The following JAKMIP2 variants were observed in gnomAD, a reference collection of about 807,000 sequenced individuals.
JAKMIP2 encodes the protein janus kinase and microtubule-interacting protein 2.
Under a neutral mutation model 115.0 loss-of-function variants are expected in JAKMIP2, and 25 were observed. The observed-to-expected ratio is 0.22, with a 90% CI of 0.16 to 0.30. JAKMIP2 has a LOEUF of 0.30. Ranked by LOEUF, JAKMIP2 falls within the 10% of genes least tolerant of loss-of-function variation. The pLI, the probability that JAKMIP2 is intolerant of heterozygous loss-of-function variation, is 1.00. For missense variants in JAKMIP2, 642 were observed against 957.6 expected, an observed-to-expected ratio of 0.67 and a Z score of 4.35; for synonymous variants, 334 against 343.6, an observed-to-expected ratio of 0.97 and a Z score of 0.31.
At chr5:147,671,620 C>G (rs995329347) in intron 2 of JAKMIP2, 58 bp downstream of exon 2, 22 of 1,314,794 alleles carry the variant, frequency 1.7e-5, no homozygotes, top group Middle Eastern at 5.7e-4. Context: ...GTGCTCGCTG[C>G]ATGTGGACAC....
chr5:147,710,287 C>T (rs906395752), intron 1 of JAKMIP2, among the ~76,000 whole-genome samples: 13 of 152,088 alleles, frequency 8.5e-5, no homozygotes, highest in South Asian at 2.1e-4. Context: ...ATTATAAATG[C>T]TTTATAACAT....
In JAKMIP2 at chr5:147,711,919, C is replaced by T. The variant is rs374083254; in HGVS notation, c.-148-39965G>A. On this transcript the variant is annotated intron_variant, in intron 1 of 21. Transcript: ENST00000616793. ...CTGACCTCAGGTGATCCACCCGCCT[C>T]GGACACCGCGCCCAGCCCATAGTAA... 3.0e-4 allele frequency among the ~76,000 whole-genome samples: 46 copies of T among 152,296 alleles called. No homozygotes were observed. The Middle Eastern group carries it at 0.01, about 34-fold the overall frequency.
At chr5:147,690,148 G>C (rs928772674) in intron 1 of JAKMIP2, among the ~76,000 whole-genome samples, 2 of 152,064 alleles carry the variant, frequency 1.3e-5, no homozygotes, top group African/African-American at 4.8e-5. Flanking sequence ...CCACAGGTTT[G>C]AGACCAGCCT....
At chr5:147,608,140 A>AT (rs1455105964) in intron 20 of JAKMIP2, among the ~76,000 whole-genome samples, 1 of 151,912 alleles carries the variant, frequency 6.6e-6, no homozygotes, top group Non-Finnish European at 1.5e-5. Context: ...GGATTCATTG[A>AT]TTTTTTGAAG....
chr5:147,655,570 G>T (rs376026427), intron 3 of JAKMIP2, among the ~76,000 whole-genome samples: 2 of 151,972 alleles, frequency 1.3e-5, no homozygotes, highest in Middle Eastern at 3.2e-3. Flanking sequence ...TTTTTATTGT[G>T]TCTATTTGGT....
intron 1 of JAKMIP2, among the ~76,000 whole-genome samples, chr5:147,676,054 C>T (rs930052095): frequency 6.6e-6 from 1 of 152,170 alleles, no homozygotes; most frequent in African/African-American, 2.4e-5. Flanking sequence ...AGTGCCTGGA[C>T]CGGGTGCGGT....
At chr5:147,650,235 T>C (rs1007454366) in intron 4 of JAKMIP2, 103 bp downstream of exon 4, 8 of 748,842 alleles carry the variant, frequency 1.1e-5, no homozygotes, top group Non-Finnish European at 1.6e-5. Context: ...GGTAGATTGA[T>C]TTCTTTGTAG....
chr5:147,686,017 A>C (rs1264225534), intron 1 of JAKMIP2, among the ~76,000 whole-genome samples: 1 of 152,230 alleles, frequency 6.6e-6, no homozygotes, highest in Non-Finnish European at 1.5e-5. Context: ...AGCTGAAGCT[A>C]GGAGTGAGGC....
chr5:147,651,378 C>A (rs1012750785), intron 3 of JAKMIP2, among the ~76,000 whole-genome samples: 1 of 152,106 alleles, frequency 6.6e-6, no homozygotes, highest in Non-Finnish European at 1.5e-5. Context: ...TGGAATGAAA[C>A]CTTTTTGCCA....
chr5:147,685,049 A>G (rs1760503354), intron 1 of JAKMIP2, among the ~76,000 whole-genome samples: 1 of 152,192 alleles, frequency 6.6e-6, no homozygotes, highest in African/African-American at 2.4e-5. Flanking sequence ...ACTTAAAACA[A>G]GATTATGAGA....
At position 147,623,790 on chromosome 5, in the gene JAKMIP2, G is replaced by A. The variant is rs1756965809; in HGVS notation, c.1996-101C>T. The A allele has an allele frequency of 1.2e-5, 8 of 675,536 alleles. No homozygotes were observed. The South Asian group carries it at 1.4e-4, about 12-fold the overall frequency. 41.8% of individuals were successfully genotyped at this position (675,536 alleles called of 1,614,324 possible). A position where few individuals can be genotyped will look rare whatever the true frequency, so the allele number is the denominator to read the frequency against. ...CTCCGTCTCCTCCCCTTATATCTCA[G>A]GAAGAAGACTGAGAACTGAAGCAAA... On this transcript the variant is annotated intron_variant, in intron 16 of 21. Transcript: ENST00000616793.
intron 17 of JAKMIP2, 33 bp from the exon 18 acceptor site, chr5:147,620,776 T>C: frequency 6.7e-7 from 1 of 1,489,584 alleles, no homozygotes; most frequent in Non-Finnish European, 9.4e-7. Context: ...TAGAGTCAGC[T>C]TAGTTAACTA....
Position 147,660,975 on chromosome 5 carries a change from C to T in JAKMIP2, c.600G>A (p.Trp200Ter). The change falls in exon 3 of 22, where the codon TGG becomes TGA. Residue 200 changes from tryptophan to a stop codon, truncating the protein, a stop_gained. Coordinates refer to ENST00000616793, the MANE Select transcript of JAKMIP2 (RefSeq NM_001270941.2). LOFTEE classifies it high-confidence loss of function. ...GCCTCCGAATATCCCGCTCCGACTCCCACTTGATCTTCGAGATGGCTTCTT... is the reference window on the plus strand; with the variant it reads ...GCCTCCGAATATCCCGCTCCGACTCTCACTTGATCTTCGAGATGGCTTCTT... ...SHQEAISKIK[W>*]ESERDIRRLM... 6.2e-7 allele frequency: 1 copy of T among 1,613,952 alleles called. No homozygotes were observed. Among genetic ancestry groups the T allele is most frequent in the Non-Finnish European group, 8.5e-7 (1 of 1,180,012 alleles).
chr5:147,685,475 A>G (rs185996456), intron 1 of JAKMIP2, among the ~76,000 whole-genome samples: 5 of 152,338 alleles, frequency 3.3e-5, no homozygotes, highest in Admixed American at 3.3e-4. Context: ...TAGATTGTGC[A>G]AAATTGTAGG....
chr5:147,667,292 C>A (rs555110898), intron 2 of JAKMIP2, among the ~76,000 whole-genome samples: 13 of 152,166 alleles, frequency 8.5e-5, no homozygotes, highest in Admixed American at 3.9e-4. Flanking sequence ...TTAATCCTAC[C>A]AAGGAAAGGT....
At chr5:147,637,584 C>G (rs1181099691) in intron 10 of JAKMIP2, among the ~76,000 whole-genome samples, 1 of 151,818 alleles carries the variant, frequency 6.6e-6, no homozygotes, top group Non-Finnish European at 1.5e-5. Context: ...GGATTACAGG[C>G]ACCGGCCACC....
At chr5:147,778,048 T>A (rs910369340) in intron 1 of JAKMIP2, among the ~76,000 whole-genome samples, 2 of 152,136 alleles carry the variant, frequency 1.3e-5, no homozygotes, top group Admixed American at 6.6e-5. Context: ...GGAGGTGGCA[T>A]AACTTTTTTC....
Position 147,721,832 on chromosome 5 carries a change from G to A in JAKMIP2, c.-148-49878C>T, listed in dbSNP as rs1354008043. Among the ~76,000 whole-genome samples, 4 of 152,226 alleles carry A rather than the reference G, an allele frequency of 2.6e-5. No homozygotes were observed. The South Asian group carries it at 6.2e-4, about 24-fold the overall frequency. On this transcript the variant is annotated intron_variant, in intron 1 of 21. Transcript: ENST00000616793. ...TTCTGCGTCGCTCATGCTGGGAGCT[G>A]TAGACCGGAGCCGTTCCTATTCGGC... is the stretch of plus-strand genomic sequence containing the variant.
intron 1 of JAKMIP2, among the ~76,000 whole-genome samples, chr5:147,723,806 T>A (rs560512704): frequency 1.3e-5 from 2 of 152,294 alleles, no homozygotes; most frequent in East Asian, 3.9e-4. Context: ...GCTGTCTCTT[T>A]ACAGTAGCCT....
Sources: allele counts gnomAD v4.1 joint callset (sites outside exome capture counted in the v4.1 genomes callset), GRCh38; gene constraint gnomAD v4.1.1; transcripts MANE v1.5; gene names NCBI Gene and HGNC (gene_info 2026-07-23, HGNC 2026-07-21).